Variants in KALRN observed in about 807,000 individuals in gnomAD.
The protein encoded by KALRN is kalirin.
In KALRN, 70 loss-of-function variants were observed where a neutral mutation model predicts 353.7. That is an observed-to-expected ratio of 0.20 (90% CI 0.16 to 0.24). The LOEUF (loss-of-function observed/expected upper bound fraction) is 0.24, where lower values mean the gene tolerates loss of function less well. Ranked by LOEUF, KALRN falls within the 10% of genes least tolerant of loss-of-function variation. KALRN has a pLI of 1.00. For missense variants in KALRN, 2,791 were observed against 3,756.7 expected, an observed-to-expected ratio of 0.74 and a Z score of 6.72; for synonymous variants, 1,391 against 1,434.8, an observed-to-expected ratio of 0.97 and a Z score of 0.69.
At position 124,468,243 on chromosome 3, in the gene KALRN, G is replaced by A. The variant is rs78092840; in HGVS notation, c.4031+5610G>A. On this transcript the variant is annotated intron_variant, in intron 25 of 59. Transcript: ENST00000682506. The stretch of plus-strand genomic sequence containing the variant: ...GAAAAACACCTGCATTATGTGTGAT[G>A]CACTGTGGTATTTTGTGTTAGGCTC... Among the ~76,000 whole-genome samples, 1,371 of 152,300 alleles carry A rather than the reference G, an allele frequency of 9.0e-3. 33 individuals are homozygous for A. The highest frequency in any genetic ancestry group is 0.031 in the African/African-American group (1,297 of 41,558).
chr3:124,153,741 A>C (rs2068547790), intron 1 of KALRN, among the ~76,000 whole-genome samples: 1 of 151,780 alleles, frequency 6.6e-6, no homozygotes, highest in South Asian at 2.1e-4. Flanking sequence ...CCAACAGTGT[A>C]AAAGTGTTCC....
At chr3:124,108,041 A>G (rs1371191764) in intron 1 of KALRN, among the ~76,000 whole-genome samples, 3 of 152,290 alleles carry the variant, frequency 2.0e-5, no homozygotes, top group Non-Finnish European at 2.9e-5. Context: ...GGAATATATA[A>G]GATAATGGGA....
chr3:124,650,671 G>A (rs2083309958), intron 37 of KALRN, 137 bp from the exon 38 acceptor site: 3 of 808,702 alleles, frequency 3.7e-6, no homozygotes, highest in East Asian at 5.1e-5. Context: ...TGGTCTGCTA[G>A]TGCTTCACTG....
At chr3:124,296,629 G>A (rs1048072955) in intron 5 of KALRN, among the ~76,000 whole-genome samples, 10 of 152,136 alleles carry the variant, frequency 6.6e-5, no homozygotes, top group Admixed American at 2.0e-4. Context: ...CCTGGCAGCC[G>A]ACAATGTGTG....
At chr3:124,283,060 A>G (rs2075507389) in intron 5 of KALRN, among the ~76,000 whole-genome samples, 1 of 152,214 alleles carries the variant, frequency 6.6e-6, no homozygotes. Flanking sequence ...CTCCTCCCAG[A>G]GAGGGGCTCC....
intron 1 of KALRN, among the ~76,000 whole-genome samples, chr3:124,123,477 A>G (rs867557137): frequency 6.6e-6 from 1 of 152,202 alleles, no homozygotes; most frequent in African/African-American, 2.4e-5. Flanking sequence ...GAAGCTGCAG[A>G]AGAAAAGTTT....
intron 18 of KALRN, among the ~76,000 whole-genome samples, chr3:124,439,291 G>A (rs1472013228): frequency 6.6e-6 from 1 of 150,914 alleles, no homozygotes; most frequent in Non-Finnish European, 1.5e-5. Flanking sequence ...CTTCCCTAAA[G>A]GGGTAAGGGA....
At chr3:124,102,360 A>G (rs192066304) in intron 1 of KALRN, among the ~76,000 whole-genome samples, 139 of 152,158 alleles carry the variant, frequency 9.1e-4, no homozygotes, top group African/African-American at 3.3e-3. Context: ...AAATGCCCCA[A>G]ACCTCCTCTT....
intron 13 of KALRN, chr3:124,410,220 C>A (rs760526153): frequency 1.9e-6 from 1 of 533,234 alleles, no homozygotes; most frequent in Non-Finnish European, 3.8e-6. Flanking sequence ...ACCGTCGGCA[C>A]CTTCCACTCC....
intron 1 of KALRN, among the ~76,000 whole-genome samples, chr3:124,180,250 C>A (rs577291217): frequency 5.0e-4 from 76 of 152,308 alleles, no homozygotes; most frequent in African/African-American, 1.8e-3. Flanking sequence ...CCTGGTTTTT[C>A]TCTTTCTAGT....
intron 49 of KALRN, among the ~76,000 whole-genome samples, chr3:124,676,359 C>T (rs186232341): frequency 6.6e-6 from 1 of 152,272 alleles, no homozygotes; most frequent in Admixed American, 6.5e-5. Flanking sequence ...GTGGAGGACA[C>T]TCAGCACACC....
chr3:124,682,371 G>A (rs1393893488), intron 51 of KALRN, among the ~76,000 whole-genome samples: 4 of 152,172 alleles, frequency 2.6e-5, no homozygotes. Flanking sequence ...TTAGTGAGCT[G>A]AATCCTGTGC....
intron 5 of KALRN, among the ~76,000 whole-genome samples, chr3:124,280,177 C>T (rs1331090171): frequency 6.6e-6 from 1 of 152,228 alleles, no homozygotes; most frequent in Non-Finnish European, 1.5e-5. Flanking sequence ...ATCCCTTACC[C>T]ATGGCAGAAC....
intron 1 of KALRN, among the ~76,000 whole-genome samples, chr3:124,037,367 T>C (rs932964395): frequency 6.6e-6 from 1 of 152,124 alleles, no homozygotes; most frequent in African/African-American, 2.4e-5. Context: ...ACATGGGAGT[T>C]TGGGCATTGA....
At chr3:124,050,026 A>G (rs2040879093) in intron 1 of KALRN, among the ~76,000 whole-genome samples, 1 of 152,210 alleles carries the variant, frequency 6.6e-6, no homozygotes, top group African/African-American at 2.4e-5. Flanking sequence ...ACTTCTCTTC[A>G]GAGTGGGGTC....
intron 34 of KALRN, among the ~76,000 whole-genome samples, chr3:124,579,207 T>C (rs2074407120): frequency 6.6e-6 from 1 of 152,232 alleles, no homozygotes; most frequent in Non-Finnish European, 1.5e-5. Flanking sequence ...GCAGTCACAC[T>C]GGTGCCTGAT....
rs73860327 is a variant in KALRN at position 124,175,282 on chromosome 3, G to A, written c.74-52708G>A. Among the ~76,000 whole-genome samples the A allele has an allele frequency of 9.4e-3, 1,435 of 152,366 alleles. 21 individuals carry two copies. The highest frequency in any genetic ancestry group is 0.032 in the African/African-American group (1,349 of 41,582). ...TGCCTGGAGGTACCAGGCACCTAGC[G>A]CTGTGTGCACTGCCTAGGGCCCAGG... is the stretch of plus-strand genomic sequence containing the variant. On this transcript the variant is annotated intron_variant, in intron 1 of 59. Coordinates refer to ENST00000682506, the MANE Select transcript of KALRN (RefSeq NM_001388419.1).
At chr3:124,128,075 T>C (rs190456713) in intron 1 of KALRN, among the ~76,000 whole-genome samples, 3 of 152,330 alleles carry the variant, frequency 2.0e-5, no homozygotes, top group Middle Eastern at 3.4e-3. Context: ...TCTTCAATCA[T>C]GTATTCCCTC....
chr3:124,562,619 G>GGT, intron 33 of KALRN: 35 of 357,310 alleles, frequency 9.8e-5, no homozygotes, highest in Admixed American at 2.3e-4. Context: ...ATAGCACTGT[G>GGT]CTAATTACAT....
Sources: allele counts gnomAD v4.1 joint callset (sites outside exome capture counted in the v4.1 genomes callset), GRCh38; gene constraint gnomAD v4.1.1; transcripts MANE v1.5; gene names NCBI Gene and HGNC (gene_info 2026-07-23, HGNC 2026-07-21).